The following DYNC1LI1 variants were observed in gnomAD, a reference collection of about 807,000 sequenced individuals.
DYNC1LI1 encodes the protein cytoplasmic dynein 1 light intermediate chain 1.
Under a neutral mutation model 63.8 loss-of-function variants are expected in DYNC1LI1, and 19 were observed. That is an observed-to-expected ratio of 0.30 (90% confidence interval 0.21 to 0.44). The LOEUF is 0.44. DYNC1LI1 is among the 20% of genes least tolerant of loss of function. The probability of loss-of-function intolerance (pLI) is 1.00; values close to 1 mark genes in which losing one functional copy is unlikely to be tolerated. For missense variants in DYNC1LI1, 565 were observed against 630.2 expected, an observed-to-expected ratio of 0.90 and a Z score of 1.11; for synonymous variants, 225 against 232.3, an observed-to-expected ratio of 0.97 and a Z score of 0.28.
At chr3:32,548,899 GTAT>G (rs1380034404) in intron 2 of DYNC1LI1, among the ~76,000 whole-genome samples, 1 of 151,890 alleles carries the variant, frequency 6.6e-6, no homozygotes, top group African/African-American at 2.4e-5. Flanking sequence ...CACTAAATTT[GTAT>G]TTTTCAGTAC....
At chr3:32,546,879 A>C (rs1489473519) in intron 2 of DYNC1LI1, among the ~76,000 whole-genome samples, 1 of 152,188 alleles carries the variant, frequency 6.6e-6, no homozygotes. Context: ...TTAAAAATAG[A>C]CTTAAAAGTA....
chr3:32,537,267 A>G (rs1433870034), intron 5 of DYNC1LI1, 163 bp from the exon 6 acceptor site: 2 of 397,372 alleles, frequency 5.0e-6, no homozygotes, highest in Non-Finnish European at 9.0e-6. Context: ...ATGAACTTTT[A>G]GTTGGAGGGA....
At chr3:32,536,002 TTA>T (rs1190050067) in intron 6 of DYNC1LI1, among the ~76,000 whole-genome samples, 1 of 152,182 alleles carries the variant, frequency 6.6e-6, no homozygotes, top group East Asian at 1.9e-4. Flanking sequence ...ACTTTTTATT[TTA>T]TTTTTGAAGA....
chr3:32,528,267 G>A (rs1404920223), intron 12 of DYNC1LI1, among the ~76,000 whole-genome samples, 179 bp downstream of exon 12: 1 of 152,026 alleles, frequency 6.6e-6, no homozygotes, highest in Non-Finnish European at 1.5e-5. Flanking sequence ...AGGAAAGAGA[G>A]AAGGTTCAAG....
At chr3:32,563,954 T>C (rs774814682) in intron 2 of DYNC1LI1, among the ~76,000 whole-genome samples, 4 of 152,340 alleles carry the variant, frequency 2.6e-5, no homozygotes, top group Non-Finnish European at 5.9e-5. Flanking sequence ...TCCCATTAAC[T>C]AGAAATCTCT....
Position 32,541,377 on chromosome 3 carries a change from C to T in DYNC1LI1, c.569-171G>A, listed in dbSNP as rs538753085. On this transcript the variant is annotated intron_variant, in intron 4 of 12. Transcript: ENST00000273130. ...AAAGAGAATATACAAACACTGGACC[C>T]ACAGTAATAATTAGGAGACAGAATA... Among the ~76,000 whole-genome samples, 266 of 152,236 alleles carry T rather than the reference C, an allele frequency of 1.7e-3. No individual in the cohort carries two copies. Among genetic ancestry groups the T allele is most frequent in the Non-Finnish European group, 3.4e-3 (234 of 67,998 alleles).
chr3:32,531,825 G>C (rs1422670268), intron 8 of DYNC1LI1: 1 of 152,186 alleles, frequency 6.6e-6, no homozygotes, highest in Non-Finnish European at 1.5e-5. Context: ...ACTACTACAA[G>C]TTGAGTATCC....
At chr3:32,570,214 C>G in intron 2 of DYNC1LI1, 132 bp downstream of exon 2, 1 of 794,132 alleles carries the variant, frequency 1.3e-6, no homozygotes, top group Non-Finnish European at 2.1e-6. Flanking sequence ...CCATCCGCGA[C>G]AGGTCGGGAG....
chr3:32,557,359 T>C (rs1207893236), intron 2 of DYNC1LI1, among the ~76,000 whole-genome samples: 1 of 150,518 alleles, frequency 6.6e-6, no homozygotes, highest in East Asian at 2.0e-4. Context: ...CTACTAAAAA[T>C]ACAAAAAAAA....
intron 2 of DYNC1LI1, among the ~76,000 whole-genome samples, chr3:32,547,503 T>G (rs966198797): frequency 5.9e-5 from 9 of 152,300 alleles, no homozygotes; most frequent in Admixed American, 3.3e-4. Context: ...AGTCTTTATA[T>G]CTGAATGCTG....
At chr3:32,541,275 T>A in intron 4 of DYNC1LI1, 69 bp from the exon 5 acceptor site, 1 of 1,069,510 alleles carries the variant, frequency 9.4e-7, no homozygotes, top group Non-Finnish European at 1.3e-6. Context: ...TGCCATAATC[T>A]AAAGATAAAA....
intron 2 of DYNC1LI1, among the ~76,000 whole-genome samples, chr3:32,564,096 T>C (rs1255088725): frequency 3.3e-5 from 5 of 152,130 alleles, no homozygotes; most frequent in African/African-American, 1.2e-4. Context: ...AGCCCAGGAG[T>C]TGGGGACCAG....
intron 8 of DYNC1LI1, chr3:32,531,608 T>G (rs999116713): frequency 6.6e-6 from 1 of 152,246 alleles, no homozygotes; most frequent in Non-Finnish European, 1.5e-5. Context: ...ATTTTATTTT[T>G]ATGCATGCAT....
At chr3:32,529,476 T>G in intron 11 of DYNC1LI1, 64 bp downstream of exon 11, 1 of 1,486,610 alleles carries the variant, frequency 6.7e-7, no homozygotes. Context: ...AAAGGTGGAA[T>G]TTTAGATAGA....
chr3:32,558,619 GCCGAT>G, intron 2 of DYNC1LI1, among the ~76,000 whole-genome samples: 1 of 152,074 alleles, frequency 6.6e-6, no homozygotes, highest in Non-Finnish European at 1.5e-5. Context: ...GCCGAGGCGG[GCCGAT>G]CATCTGAGGT....
At chr3:32,545,222 G>C (rs776051111) in intron 3 of DYNC1LI1, 116 bp from the exon 4 acceptor site, 7 of 706,804 alleles carry the variant, frequency 9.9e-6, no homozygotes, top group Non-Finnish European at 1.7e-5. Context: ...TATTGGCTTT[G>C]ACAAAGTTCA....
At position 32,541,117 on chromosome 3, in the gene DYNC1LI1, C is replaced by T; in HGVS notation, c.658G>A (p.Asp220Asn). Reference sequence around the variant, plus strand: ...CCCAGAGGTAAAACTACACTGTCATCTTTGTCTTCTTGTGACGCAGTATTT... The same window carrying T: ...CCCAGAGGTAAAACTACACTGTCATTTTTGTCTTCTTGTGACGCAGTATTT... ...RRNTASQEDK[D>N]DSVVLPLGAD... Residue 220 changes from aspartate to asparagine, a missense_variant, in exon 5 of 13, where the codon GAT becomes AAT. Transcript: ENST00000273130. 1.2e-6 allele frequency: 2 copies of T among 1,613,708 alleles called. No homozygotes were observed. Among genetic ancestry groups the T allele is most frequent in the Non-Finnish European group, 1.7e-6 (2 of 1,179,718 alleles).
chr3:32,564,611 C>T (rs1293246753), intron 2 of DYNC1LI1, among the ~76,000 whole-genome samples: 2 of 152,162 alleles, frequency 1.3e-5, no homozygotes, highest in African/African-American at 4.8e-5. Context: ...TCTCAAAACA[C>T]TTTATATTTG....
chr3:32,559,290 G>A (rs1698158503), intron 2 of DYNC1LI1, among the ~76,000 whole-genome samples: 1 of 152,084 alleles, frequency 6.6e-6, no homozygotes, highest in Non-Finnish European at 1.5e-5. Context: ...GCCCAGGCTG[G>A]AGTGCAGTGG....
Sources: gnomAD v4.1 joint callset for allele counts (sites outside exome capture counted in the v4.1 genomes callset) on GRCh38, gnomAD v4.1.1 for gene constraint, MANE v1.5 for transcripts, NCBI Gene and HGNC (gene_info 2026-07-23, HGNC 2026-07-21) for gene names.